ACSF3: variants seen among roughly 807,000 people sequenced by gnomAD.
ACSF3 encodes the protein malonate--CoA ligase ACSF3, mitochondrial.
Under a neutral mutation model 53.2 loss-of-function variants are expected in ACSF3, and 78 were observed. The observed-to-expected ratio is 1.47, with a 90% CI of 1.22 to 1.77. The LOEUF (loss-of-function observed/expected upper bound fraction) is 1.77. ACSF3 is among the 40% of genes most tolerant of loss of function. The pLI is 0.00. For synonymous variants in ACSF3, 414 were observed against 333.1 expected, an observed-to-expected ratio of 1.24 and a Z score of -2.65; for missense variants, 937 against 771.1, an observed-to-expected ratio of 1.22 and a Z score of -2.55.
At chr16:89,133,078 G>C in intron 7 of ACSF3, 58 bp from the exon 8 acceptor site, 17 of 1,611,102 alleles carry the variant, frequency 1.1e-5, no homozygotes, top group Non-Finnish European at 1.3e-5. Context: ...GTTTCAGAAA[G>C]CACCAATCCC....
At chr16:89,144,076 A>G (rs116775990) in intron 8 of ACSF3, among the ~76,000 whole-genome samples, 1 of 152,208 alleles carries the variant, frequency 6.6e-6, no homozygotes, top group African/African-American at 2.4e-5. Context: ...ACAGTCACGC[A>G]TACCGCGCCC....
At chr16:89,097,799 G>A (rs11076764) in intron 1 of ACSF3, among the ~76,000 whole-genome samples, 108,663 of 151,710 alleles carry the variant, frequency 0.72, 39,560 homozygotes, top group Non-Finnish European at 0.79. Context: ...TGGGTGCCTC[G>A]CGTCAGGAGA....
Position 89,155,650 on chromosome 16 carries a change from T to G in ACSF3, c.*1443T>G, listed in dbSNP as rs550440129. On this transcript the variant is annotated 3_prime_UTR_variant, in exon 11 of 11. Transcript: ENST00000614302. Reference sequence around the variant, plus strand: ...AGGCCTGGACCCAAGGGAACGGCAGTCAGAGACTACAGTCCAGACGTTTGT... The same window carrying G: ...AGGCCTGGACCCAAGGGAACGGCAGGCAGAGACTACAGTCCAGACGTTTGT... 88 of 454,082 alleles carry G rather than the reference T, an allele frequency of 1.9e-4. No homozygotes were observed. The highest frequency in any genetic ancestry group is 1.4e-3 in the African/African-American group (72 of 50,116). The allele number at this position is 454,082 out of a possible 1,614,324, so 28.1% of individuals were successfully genotyped here. A position where few individuals can be genotyped will look rare whatever the true frequency, so the allele number is the denominator to read the frequency against.
intron 10 of ACSF3, chr16:89,149,207 C>G (rs1295091707): frequency 6.6e-6 from 1 of 152,204 alleles, no homozygotes; most frequent in Non-Finnish European, 1.5e-5. Context: ...TTTAACAAGT[C>G]TTTAGGAAGT....
intron 8 of ACSF3, chr16:89,136,743 C>T: frequency 7.8e-7 from 1 of 1,287,282 alleles, no homozygotes; most frequent in Non-Finnish European, 1.0e-6. Context: ...GTGCCTACAG[C>T]CCGCTTCTGC....
At chr16:89,140,595 G>A (rs753997618) in intron 8 of ACSF3, among the ~76,000 whole-genome samples, 1 of 152,164 alleles carries the variant, frequency 6.6e-6, no homozygotes, top group Non-Finnish European at 1.5e-5. Context: ...TCCTGGGATC[G>A]CGCTTTGGGT....
At chr16:89,104,566 G>T (rs8061488) in intron 4 of ACSF3, among the ~76,000 whole-genome samples, 107,528 of 152,120 alleles carry the variant, frequency 0.71, 38,654 homozygotes, top group Admixed American at 0.78. Flanking sequence ...TGTGAATTTC[G>T]CCAGGAAGGG....
intron 8 of ACSF3, among the ~76,000 whole-genome samples, chr16:89,142,443 G>C (rs112205111): frequency 1.3e-5 from 2 of 152,116 alleles, no homozygotes; most frequent in East Asian, 1.9e-4. Flanking sequence ...CCAGGGCTTC[G>C]ACCTCTGGGG....
rs1232669503 is a variant in ACSF3 at position 89,155,076 on chromosome 16, C to G, written c.*869C>G. The G allele has an allele frequency of 2.2e-6, 1 of 454,010 alleles. No homozygotes were observed. The highest frequency in any genetic ancestry group is 2.3e-5 in the Admixed American group (1 of 42,556). The allele number at this position is 454,010 out of a possible 1,614,324, so 28.1% of individuals were successfully genotyped here. On this transcript the variant is annotated 3_prime_UTR_variant, in exon 11 of 11. Coordinates refer to ENST00000614302, the MANE Select transcript of ACSF3 (RefSeq NM_001243279.3). ...CCACAGGCGTGGCCGATGCAGAAACCTCAGGAAGGTGTGTTGTGAATGTTG... is the reference window on the plus strand; with the variant it reads ...CCACAGGCGTGGCCGATGCAGAAACGTCAGGAAGGTGTGTTGTGAATGTTG...
chr16:89,105,965 G>A (rs1336102552), intron 4 of ACSF3, among the ~76,000 whole-genome samples: 2 of 152,244 alleles, frequency 1.3e-5, no homozygotes, highest in African/African-American at 4.8e-5. Context: ...CTCCAGCACT[G>A]CATGAATGAC....
chr16:89,151,008 CA>C, intron 10 of ACSF3: 1 of 1,287,210 alleles, frequency 7.8e-7, no homozygotes, highest in Non-Finnish European at 1.0e-6. Flanking sequence ...TTCCCCAAAC[CA>C]AAGGTCATGA....
Position 89,116,352 on chromosome 16 carries a change from G to A in ACSF3, c.1126+1865G>A, listed in dbSNP as rs182167984. Among the ~76,000 whole-genome samples the A allele has an allele frequency of 3.1e-3, 472 of 152,286 alleles. 4 individuals are homozygous for A. Among genetic ancestry groups the A allele is most frequent in the Middle Eastern group, 0.014 (4 of 294 alleles). ...GTTCCTGGGACTCTAGGGTAAGCGT[G>A]GACATGGGGGTTCAGGCCCAGGCAG... is the stretch of plus-strand genomic sequence containing the variant. On this transcript the variant is annotated intron_variant, in intron 6 of 10. Coordinates refer to ENST00000614302, the MANE Select transcript of ACSF3 (RefSeq NM_001243279.3).
At chr16:89,117,091 G>A (rs1184197797) in intron 6 of ACSF3, among the ~76,000 whole-genome samples, 1 of 152,222 alleles carries the variant, frequency 6.6e-6, no homozygotes, top group Non-Finnish European at 1.5e-5. Context: ...CTGCAGGCAA[G>A]TGAGGACTGA....
chr16:89,129,685 A>G (rs57137022), intron 7 of ACSF3, among the ~76,000 whole-genome samples: 22,654 of 152,036 alleles, frequency 0.15, 1,902 homozygotes, highest in African/African-American at 0.24. Context: ...TGAGAGTTTT[A>G]TTGCTCAACT....
rs769183050 is a variant in ACSF3 at position 89,114,464 on chromosome 16, TG to T, written c.1104del (p.Thr369ProfsTer46). On this transcript the variant is annotated frameshift_variant, in exon 6 of 11. Transcript: ENST00000614302. LOFTEE classifies it high-confidence loss of function. ...TEIGMALSGP[L>X]TTAVRLPGSV... The stretch of plus-strand genomic sequence containing the variant: ...ATCGGCATGGCTCTGTCCGGGCCCC[TG>T]ACCACTGCCGTGCGCCTGCCAGGTA... 2 of 1,613,120 alleles carry T rather than the reference TG, an allele frequency of 1.2e-6. No individual in the cohort carries two copies.
chr16:89,098,074 A>C (rs1597874385), intron 1 of ACSF3, among the ~76,000 whole-genome samples: 1 of 149,352 alleles, frequency 6.7e-6, no homozygotes, highest in East Asian at 2.0e-4. Flanking sequence ...ACTCCGTCTC[A>C]AAAAAAAAAC....
chr16:89,133,330 G>A (rs1909728134), intron 8 of ACSF3, 68 bp downstream of exon 8: 7 of 1,600,822 alleles, frequency 4.4e-6, no homozygotes, highest in Admixed American at 3.3e-5. Flanking sequence ...TGCTGCCCAC[G>A]TTGAGTGACA....
intron 4 of ACSF3, among the ~76,000 whole-genome samples, chr16:89,108,080 C>T (rs923979431): frequency 1.3e-5 from 2 of 152,154 alleles, no homozygotes; most frequent in African/African-American, 2.4e-5. Flanking sequence ...CCCATCAGAT[C>T]TCATGAGACT....
Sources: allele counts gnomAD v4.1 joint callset (sites outside exome capture counted in the v4.1 genomes callset), GRCh38; gene constraint gnomAD v4.1.1; transcripts MANE v1.5; gene names NCBI Gene and HGNC (gene_info 2026-07-23, HGNC 2026-07-21).